SH3GLB2: variants seen among roughly 807,000 people sequenced by gnomAD.
SH3GLB2 encodes SH3 domain containing GRB2 like, endophilin B2.
Under a neutral mutation model 48.0 loss-of-function variants are expected in SH3GLB2, and 24 were observed. The observed-to-expected ratio is 0.50, with a 90% CI of 0.36 to 0.70. SH3GLB2 has a LOEUF of 0.70. SH3GLB2 is among the 30% of genes least tolerant of loss of function. The pLI, the probability that SH3GLB2 is intolerant of heterozygous loss-of-function variation, is 0.00. For synonymous variants in SH3GLB2, 227 were observed against 207.6 expected, an observed-to-expected ratio of 1.09 and a Z score of -0.80; for missense variants, 425 against 516.0, an observed-to-expected ratio of 0.82 and a Z score of 1.71.
At position 129,009,876 on chromosome 9, in the gene SH3GLB2, G is replaced by A. The variant is rs550583744; in HGVS notation, c.739-5C>T. 100 of 1,612,420 alleles carry A rather than the reference G, an allele frequency of 6.2e-5. 1 individual carries two copies. Among genetic ancestry groups the A allele is most frequent in the Non-Finnish European group, 8.1e-5 (95 of 1,179,200 alleles). On this transcript the variant is annotated splice_polypyrimidine_tract_variant and splice_region_variant and intron_variant, in intron 8 of 10. Coordinates refer to ENST00000372564, the MANE Select transcript of SH3GLB2 (RefSeq NM_020145.4). ...GAGGCAGCGCAGGTGGTTCACCTGC[G>A]GGGAAGAGGCCAGAGGCTGACTTCT...
intron 6 of SH3GLB2, chr9:129,012,017 G>C (rs1271485550): frequency 2.5e-6 from 1 of 396,702 alleles, no homozygotes; most frequent in African/African-American, 2.1e-5. Context: ...TTTGCAGAGG[G>C]AAACAAGTCC....
intron 9 of SH3GLB2, 59 bp from the exon 10 acceptor site, chr9:129,009,405 ACTCCC>A: frequency 6.5e-7 from 1 of 1,550,108 alleles, no homozygotes. Flanking sequence ...CCAGAGGCAA[ACTCCC>A]CTCCCCAGCC....
chr9:129,028,159 TGCCCGCACGGCCGCC>T lies in SH3GLB2; in HGVS notation c.-20_-6del. 6.9e-7 allele frequency: 1 copy of T among 1,451,710 alleles called. No individual in the cohort carries two copies. Among genetic ancestry groups the T allele is most frequent in the Non-Finnish European group, 9.1e-7 (1 of 1,100,624 alleles). The allele number at this position is 1,451,710 out of a possible 1,614,324, so 89.9% of individuals were successfully genotyped here. ...CTTCTTCATGTTGAAGTCCATGGCG[TGCCCGCACGGCCGCC>T]GCGCACGGCCCGAGCGCAGCCGGCA... On this transcript the variant is annotated 5_prime_UTR_variant, in exon 1 of 11. Transcript: ENST00000372564.
chr9:129,008,660 T>A lies in SH3GLB2; in HGVS notation c.*24A>T, dbSNP rs2131217110. On this transcript the variant is annotated 3_prime_UTR_variant, in exon 11 of 11. Transcript: ENST00000372564. ...CCATCCTCTCCTGCCTAGGCCAGAATGCGGGGGGGATGGGGGCACCTGCCT... is the reference window on the plus strand; with the variant it reads ...CCATCCTCTCCTGCCTAGGCCAGAAAGCGGGGGGGATGGGGGCACCTGCCT... 6.3e-7 allele frequency: 1 copy of A among 1,581,310 alleles called. No homozygotes were observed. Among genetic ancestry groups the A allele is most frequent in the East Asian group, 2.2e-5 (1 of 44,730 alleles).
chr9:129,009,979 C>A, intron 8 of SH3GLB2, 108 bp from the exon 9 acceptor site: 1 of 1,357,636 alleles, frequency 7.4e-7, no homozygotes, highest in South Asian at 1.3e-5. Context: ...TTCCAGGGTG[C>A]CCTGCCCCTG....
rs1843319530 is a variant in SH3GLB2 at position 129,014,643 on chromosome 9, A to T, written c.468+128T>A. 4.0e-6 allele frequency: 6 copies of T among 1,501,398 alleles called. No homozygotes were observed. The Admixed American group carries it at 9.4e-5, about 23-fold the overall frequency. 93.0% of individuals were successfully genotyped at this position (1,501,398 alleles called of 1,614,324 possible). A position where few individuals can be genotyped will look rare whatever the true frequency, so the allele number is the denominator to read the frequency against. On this transcript the variant is annotated intron_variant, in intron 4 of 10. Coordinates refer to ENST00000372564, the MANE Select transcript of SH3GLB2 (RefSeq NM_020145.4). The surrounding 1 kb of genome is among the most constrained non-coding windows in gnomAD (Gnocchi z 4.1). ...CAGAGATAGGAGGTCACTCAGTCCAAAGGAGCCCTCTCTGGGGAGGCCTCA... is the reference window on the plus strand; with the variant it reads ...CAGAGATAGGAGGTCACTCAGTCCATAGGAGCCCTCTCTGGGGAGGCCTCA...
In SH3GLB2 at chr9:129,019,306, T is replaced by C. The variant is rs998126790; in HGVS notation, c.334+1785A>G. ...AGGAGGCTGAGGTGGAAGGATGCCT[T>C]CAGCCCAAAAGGCAGAGGTTGCAGT... On this transcript the variant is annotated intron_variant, in intron 3 of 10. Coordinates refer to ENST00000372564, the MANE Select transcript of SH3GLB2 (RefSeq NM_020145.4). Among the ~76,000 whole-genome samples the C allele has an allele frequency of 3.0e-4, 45 of 152,002 alleles. 1 individual carries two copies. The highest frequency in any genetic ancestry group is 6.6e-5 in the Admixed American group (1 of 15,258).
intron 1 of SH3GLB2, among the ~76,000 whole-genome samples, chr9:129,027,860 G>T (rs1844252419): frequency 6.6e-6 from 1 of 152,258 alleles, no homozygotes; most frequent in Non-Finnish European, 1.5e-5. Context: ...CCAGCCCAAA[G>T]GGTGGGCACC....
Position 129,010,204 on chromosome 9 carries a change from C to G in SH3GLB2, c.654G>C (p.Glu218Asp), listed in dbSNP as rs775694828. The part of the protein sequence containing the change: ...ALWNDEVDKA[E>D]QELRVAQTEF... ...CTGTCTGGGCCACGCGGAGCTCCTGCTCGGCCTGGGCAGGGCAGGGCAGCC... is the reference window on the plus strand; with the variant it reads ...CTGTCTGGGCCACGCGGAGCTCCTGGTCGGCCTGGGCAGGGCAGGGCAGCC... Residue 218 changes from glutamate (E) to aspartate (D), a missense_variant, in exon 8 of 11, where the codon GAG becomes GAC. Glu to Asp is a conservative substitution (Grantham distance 45). Transcript: ENST00000372564. 6.2e-7 allele frequency: 1 copy of G among 1,613,832 alleles called. No homozygotes were observed. Among genetic ancestry groups the G allele is most frequent in the South Asian group, 1.1e-5 (1 of 91,086 alleles).
intron 7 of SH3GLB2, 31 bp from the exon 8 acceptor site, chr9:129,010,240 A>G (rs1843037771): frequency 6.3e-7 from 1 of 1,584,982 alleles, no homozygotes; most frequent in African/African-American, 1.3e-5. Context: ...ATGAGCACCC[A>G]CACACCACCC....
intron 3 of SH3GLB2, 128 bp downstream of exon 3, chr9:129,020,963 T>G: frequency 8.7e-7 from 1 of 1,152,080 alleles, no homozygotes; most frequent in Non-Finnish European, 1.1e-6. Flanking sequence ...GCGTAGAGTT[T>G]TTACATTTAG....
chr9:129,025,644 A>C (rs1196921261), intron 1 of SH3GLB2, among the ~76,000 whole-genome samples: 1 of 151,366 alleles, frequency 6.6e-6, no homozygotes, highest in African/African-American at 2.4e-5. Context: ...GCAGGCAGGC[A>C]GGCAGGCAGG....
chr9:129,019,801 T>A (rs1414704105), intron 3 of SH3GLB2, among the ~76,000 whole-genome samples: 1 of 149,372 alleles, frequency 6.7e-6, no homozygotes, highest in African/African-American at 2.5e-5. Flanking sequence ...CTTAAACACA[T>A]AATATATAGC....
At position 129,007,364 on chromosome 9, in the gene SH3GLB2, T is replaced by G. The variant is rs1449587967; in HGVS notation, c.*1320A>C. On this transcript the variant is annotated 3_prime_UTR_variant, in exon 11 of 11. Coordinates refer to ENST00000372564, the MANE Select transcript of SH3GLB2 (RefSeq NM_020145.4). Reference sequence around the variant, plus strand: ...TGGCCCAGTGGGCTGAGCTCATCCCTGGGTGAGCCTTTCTTGAAGCTCTGT... The same window carrying G: ...TGGCCCAGTGGGCTGAGCTCATCCCGGGGTGAGCCTTTCTTGAAGCTCTGT... 6.6e-6 allele frequency: 1 copy of G among 152,136 alleles called. No homozygotes were observed. Among genetic ancestry groups the G allele is most frequent in the Non-Finnish European group, 1.5e-5 (1 of 67,992 alleles). The allele number at this position is 152,136 out of a possible 1,614,324, so 9.4% of individuals were successfully genotyped here.
chr9:129,009,573 C>A (rs894244432), intron 9 of SH3GLB2, 198 bp downstream of exon 9: 1 of 1,533,282 alleles, frequency 6.5e-7, no homozygotes, highest in African/African-American at 1.4e-5. Context: ...CCCTCAGGGG[C>A]TCCAGGGGAC....
rs765002823 is a variant in SH3GLB2, at chr9:129,014,750, G to C, written c.468+21C>G. ...GAACTGCCATGGTTACCAGGAAGCG[G>C]AATAGTCCCAGGGCCCTCACCGAGA... On this transcript the variant is annotated intron_variant, in intron 4 of 10. Coordinates refer to ENST00000372564, the MANE Select transcript of SH3GLB2 (RefSeq NM_020145.4). The surrounding 1 kb of genome is among the most constrained non-coding windows in gnomAD (Gnocchi z 4.1). The C allele has an allele frequency of 1.2e-6, 2 of 1,606,476 alleles. No homozygotes were observed. Among genetic ancestry groups the C allele is most frequent in the African/African-American group, 2.7e-5 (2 of 74,502 alleles).
intron 7 of SH3GLB2, 38 bp from the exon 8 acceptor site, chr9:129,010,247 A>G (rs757851096): frequency 1.3e-6 from 2 of 1,561,574 alleles, no homozygotes; most frequent in Non-Finnish European, 1.8e-6. Context: ...CCCACACACC[A>G]CCCACCAGCT....
At chr9:129,017,712 C>T (rs1312035252) in intron 3 of SH3GLB2, among the ~76,000 whole-genome samples, 1 of 151,402 alleles carries the variant, frequency 6.6e-6, no homozygotes, top group African/African-American at 2.4e-5. Flanking sequence ...TCCTGGCTAA[C>T]ACGGTGAAAT....
At chr9:129,009,650 C>T (rs745618176) in intron 9 of SH3GLB2, 121 bp downstream of exon 9, 2 of 1,362,082 alleles carry the variant, frequency 1.5e-6, no homozygotes, top group Non-Finnish European at 2.0e-6. Flanking sequence ...AGAGTGGGTT[C>T]CAGCAGAGCC....
Sources: allele counts gnomAD v4.1 joint callset (sites outside exome capture counted in the v4.1 genomes callset), GRCh38; gene constraint gnomAD v4.1.1; non-coding constraint Gnocchi (gnomAD v3.1); transcripts MANE v1.5; gene names NCBI Gene and HGNC (gene_info 2026-07-23, HGNC 2026-07-21).